The following FTCD variants were observed in gnomAD, a reference collection of about 807,000 sequenced individuals.
FTCD encodes the protein formimidoyltransferase cyclodeaminase, also known as formimidoyltransferase-cyclodeaminase.
Under a neutral mutation model 62.9 loss-of-function variants are expected in FTCD, and 76 were observed. The observed-to-expected ratio is 1.21, with a 90% CI of 1.00 to 1.46. The LOEUF (loss-of-function observed/expected upper bound fraction) is 1.46, where lower values mean the gene tolerates loss of function less well. FTCD is among the 40% of genes most tolerant of loss of function. The pLI is 0.00. For synonymous variants in FTCD, 397 were observed against 336.9 expected, an observed-to-expected ratio of 1.18 and a Z score of -1.95; for missense variants, 845 against 751.3, an observed-to-expected ratio of 1.12 and a Z score of -1.46.
chr21:46,151,261 C>G (rs17292975), intron 5 of FTCD, among the ~76,000 whole-genome samples: 6 of 152,208 alleles, frequency 3.9e-5, no homozygotes, highest in Non-Finnish European at 5.9e-5. Flanking sequence ...CTCCGGAAGT[C>G]GCTGTTTCCC....
At chr21:46,153,529 G>A (rs1234822691) in intron 2 of FTCD, among the ~76,000 whole-genome samples, 3 of 152,198 alleles carry the variant, frequency 2.0e-5, no homozygotes, top group Non-Finnish European at 1.5e-5. Flanking sequence ...GTCCCTCGCT[G>A]TGGCTACACC....
intron 10 of FTCD, chr21:46,139,157 A>G: frequency 3.4e-6 from 2 of 591,074 alleles, no homozygotes; most frequent in Non-Finnish European, 6.1e-6. Context: ...GGGATGTGAG[A>G]AGCAGGTAGT....
At chr21:46,146,130 G>A in intron 8 of FTCD, 136 bp downstream of exon 8, 2 of 773,322 alleles carry the variant, frequency 2.6e-6, no homozygotes, top group Admixed American at 2.3e-5. Context: ...CCGGCTTGGC[G>A]CAGGCCGAGT....
chr21:46,136,422 G>T, downstream of FTCD: 2 of 1,612,282 alleles, frequency 1.2e-6, no homozygotes, highest in Non-Finnish European at 8.5e-7. Context: ...GAACTGTCCA[G>T]ACCTGCCGGG....
chr21:46,138,241 T>C (rs900007149), intron 12 of FTCD, among the ~76,000 whole-genome samples: 5 of 152,086 alleles, frequency 3.3e-5, no homozygotes, highest in African/African-American at 1.2e-4. Flanking sequence ...CAAGGGGTCT[T>C]GGGGGAGTAT....
chr21:46,154,442 C>G (rs1298141449), intron 1 of FTCD, 110 bp from the exon 2 acceptor site: 67 of 1,346,190 alleles, frequency 5.0e-5, no homozygotes, highest in Non-Finnish European at 6.7e-5. Flanking sequence ...GGAGGCGGGC[C>G]AAGCCTTTGG....
Position 46,145,847 on chromosome 21 carries a change from CG to C in FTCD, c.1068del (p.Gly357AlafsTer21). ...EVGARSAAPG[G>X]GSVAAAAAAM... The stretch of plus-strand genomic sequence containing the variant: ...GCCGCAGCGGCCGCCGCCACCGAGC[CG>C]CCCCCGGGGGCCGCAGAGCGGGCAC... On this transcript the variant is annotated frameshift_variant, in exon 9 of 14. Coordinates refer to ENST00000397746, the MANE Select transcript of FTCD (RefSeq NM_206965.2). LOFTEE classifies it high-confidence loss of function. The C allele has an allele frequency of 7.4e-7, 1 of 1,342,878 alleles. No individual in the cohort carries two copies. The highest frequency in any genetic ancestry group is 9.5e-7 in the Non-Finnish European group (1 of 1,055,308). The allele number at this position is 1,342,878 out of a possible 1,614,324, so 83.2% of individuals were successfully genotyped here.
intron 1 of FTCD, among the ~76,000 whole-genome samples, chr21:46,154,885 G>C (rs1556339): frequency 0.79 from 120,113 of 152,280 alleles, 47,743 homozygotes; most frequent in African/African-American, 0.84. Context: ...CTGGTGCTGC[G>C]CTCTGGGAGG....
intron 10 of FTCD, among the ~76,000 whole-genome samples, chr21:46,140,296 A>G (rs72497653): frequency 0.11 from 15,960 of 141,994 alleles, 1,358 homozygotes; most frequent in South Asian, 0.38. Context: ...GGGAATGTAA[A>G]TCAACCCAGC....
intron 12 of FTCD, among the ~76,000 whole-genome samples, 173 bp downstream of exon 12, chr21:46,138,335 G>A (rs984134580): frequency 2.0e-5 from 3 of 152,206 alleles, no homozygotes; most frequent in African/African-American, 7.2e-5. Context: ...ATCTTAGAAG[G>A]CAGCGGACAC....
chr21:46,141,706 C>T (rs1295830565), intron 10 of FTCD, among the ~76,000 whole-genome samples: 1 of 147,658 alleles, frequency 6.8e-6, no homozygotes, highest in African/African-American at 2.6e-5. Context: ...ACAAGGCCTG[C>T]CTCCCCTATT....
Position 46,137,227 on chromosome 21 carries a change from CCTCCTGCT to C in FTCD, c.1539+4_1539+11del, listed in dbSNP as rs755855475. 5 of 1,604,020 alleles carry C rather than the reference CCTCCTGCT, an allele frequency of 3.1e-6. No homozygotes were observed. In the East Asian group the frequency reaches 6.7e-5, roughly 21 times the overall value. Reference sequence around the variant, plus strand: ...ACGTGGGGTCCGGGCACCACACCTGCCTCCTGCTCACCTGGTCCTTAAATGCCTCGTCT... The same window carrying C: ...ACGTGGGGTCCGGGCACCACACCTGCCACCTGGTCCTTAAATGCCTCGTCT... On this transcript the variant is annotated splice_donor_5th_base_variant and intron_variant, in intron 13 of 13. Transcript: ENST00000397746.
At chr21:46,144,192 A>G (rs1284786415) in intron 10 of FTCD, among the ~76,000 whole-genome samples, 1 of 151,440 alleles carries the variant, frequency 6.6e-6, no homozygotes, top group African/African-American at 2.4e-5. Flanking sequence ...CCAATAAATA[A>G]CAGCGCAGCC....
At chr21:46,148,266 T>G (rs886895687) in intron 7 of FTCD, among the ~76,000 whole-genome samples, 1 of 152,126 alleles carries the variant, frequency 6.6e-6, no homozygotes, top group African/African-American at 2.4e-5. Flanking sequence ...CCTGAGAAAA[T>G]GAGCATCATG....
chr21:46,138,748 T>C, intron 11 of FTCD, 102 bp from the exon 12 acceptor site: 3 of 1,463,818 alleles, frequency 2.0e-6, no homozygotes, highest in Non-Finnish European at 2.8e-6. Context: ...AAGCGGGCGA[T>C]GGGAAGTCAT....
intron 7 of FTCD, among the ~76,000 whole-genome samples, chr21:46,148,064 G>A (rs141983366): frequency 1.0e-3 from 159 of 152,246 alleles, no homozygotes; most frequent in Middle Eastern, 6.8e-3. Flanking sequence ...AAAGGATGAC[G>A]TTGGAATGCT....
intron 10 of FTCD, among the ~76,000 whole-genome samples, chr21:46,139,866 A>G (rs1177739321): frequency 3.3e-5 from 5 of 152,150 alleles, no homozygotes; most frequent in African/African-American, 1.2e-4. Context: ...GACTCGCGCT[A>G]CGAACACTCT....
intron 3 of FTCD, 124 bp from the exon 4 acceptor site, chr21:46,152,104 C>T: frequency 1.5e-6 from 1 of 670,054 alleles, no homozygotes; most frequent in Non-Finnish European, 2.5e-6. Flanking sequence ...GCACCCTCTC[C>T]TGGGGAGTGC....
intron 5 of FTCD, 33 bp downstream of exon 5, chr21:46,151,525 G>A: frequency 2.5e-6 from 4 of 1,588,052 alleles, no homozygotes; most frequent in Non-Finnish European, 3.5e-6. Context: ...GAGGGGCTGG[G>A]TGGGGCTCCA....
Sources: gnomAD v4.1 joint callset for allele counts (sites outside exome capture counted in the v4.1 genomes callset) on GRCh38, gnomAD v4.1.1 for gene constraint, MANE v1.5 for transcripts, NCBI Gene and HGNC (gene_info 2026-07-23, HGNC 2026-07-21) for gene names.